The following HECW1 variants were observed in gnomAD, a reference collection of about 807,000 sequenced individuals.
HECW1 encodes the protein E3 ubiquitin-protein ligase HECW1.
A neutral mutation model predicts 182.3 loss-of-function variants in HECW1; 61 were observed. That is an observed-to-expected ratio of 0.33 (90% CI 0.27 to 0.41). HECW1 has a LOEUF of 0.41. Ranked by LOEUF, HECW1 falls within the 10% of genes least tolerant of loss-of-function variation. The probability of loss-of-function intolerance (pLI) is 1.00; values close to 1 mark genes in which losing one functional copy is unlikely to be tolerated. For synonymous variants in HECW1, 859 were observed against 832.6 expected (o/e 1.03, Z -0.55); for missense variants, 1,739 against 2,108.9 (o/e 0.82, Z 3.44).
chr7:43,506,800 T>G (rs1317884763), intron 21 of HECW1, among the ~76,000 whole-genome samples: 2 of 151,890 alleles, frequency 1.3e-5, no homozygotes, highest in Non-Finnish European at 2.9e-5. Flanking sequence ...GGTGTGGTAG[T>G]GCATGCCTGT....
intron 2 of HECW1, among the ~76,000 whole-genome samples, chr7:43,189,565 T>C (rs1052756283): frequency 6.6e-6 from 1 of 152,078 alleles, no homozygotes; most frequent in Non-Finnish European, 1.5e-5. Context: ...CTCATAAAGA[T>C]AATGTGAATA....
intron 5 of HECW1, among the ~76,000 whole-genome samples, chr7:43,335,122 TAAAC>T (rs1251465819): frequency 6.6e-6 from 1 of 152,162 alleles, no homozygotes; most frequent in Non-Finnish European, 1.5e-5. Flanking sequence ...CAATTCTTTT[TAAAC>T]AGTCAATAAT....
chr7:43,240,306 C>A (rs1373432978), intron 2 of HECW1, among the ~76,000 whole-genome samples: 2 of 152,064 alleles, frequency 1.3e-5, no homozygotes, highest in African/African-American at 2.4e-5. Context: ...CCACTACACT[C>A]CAGCCTAGGC....
intron 2 of HECW1, among the ~76,000 whole-genome samples, chr7:43,178,795 G>A (rs146113861): frequency 3.9e-5 from 6 of 152,312 alleles, no homozygotes; most frequent in South Asian, 2.1e-4. Context: ...CCGCTGTGGC[G>A]TTCCTCAACT....
intron 3 of HECW1, among the ~76,000 whole-genome samples, chr7:43,253,112 G>A (rs1800206205): frequency 6.7e-6 from 1 of 150,288 alleles, no homozygotes; most frequent in Non-Finnish European, 1.5e-5. Context: ...GCTGGTCAAG[G>A]CTCAAACATC....
intron 2 of HECW1, among the ~76,000 whole-genome samples, chr7:43,242,454 A>G (rs1355421693): frequency 1.3e-5 from 2 of 152,212 alleles, no homozygotes; most frequent in Non-Finnish European, 2.9e-5. Flanking sequence ...AGTTCCTGAC[A>G]GGGAGCTCTA....
At chr7:43,422,368 GTTTT>G (rs56093938) in intron 8 of HECW1, among the ~76,000 whole-genome samples, 1 of 126,624 alleles carries the variant, frequency 7.9e-6, no homozygotes. Context: ...GGTTGTTGTT[GTTTT>G]TTTTTTTTTT....
intron 16 of HECW1, among the ~76,000 whole-genome samples, chr7:43,469,805 A>T (rs1178579561): frequency 6.6e-6 from 1 of 152,212 alleles, no homozygotes; most frequent in Non-Finnish European, 1.5e-5. Flanking sequence ...ACTTTACCAG[A>T]GAGAATCCCT....
chr7:43,396,815 T>C lies in HECW1; in HGVS notation c.557T>C (p.Ile186Thr). 2 of 1,610,714 alleles carry C rather than the reference T, an allele frequency of 1.2e-6. No homozygotes were observed. The highest frequency in any genetic ancestry group is 1.7e-6 in the Non-Finnish European group (2 of 1,178,126). ...CTCCCATTTTCCTTCTTTTTACAGA[T>C]TTTTAAAAGCATTGGTGCTGATGAG... is the stretch of plus-strand genomic sequence containing the variant. The part of the protein sequence containing the change: ...SVTVKNSAAP[I>T]FKSIGADETV... The change falls in exon 7 of 30, where the codon ATT becomes ACT. Residue 186 changes from isoleucine (I) to threonine (T), a missense_variant and splice_region_variant. Around this residue, in one of 5 missense-constraint regions of HECW1, gnomAD observed 279 missense variants for 353.1 expected, o/e 0.79. Transcript: ENST00000395891.
chr7:43,552,413 G>T, intron 28 of HECW1, 77 bp downstream of exon 28: 2 of 955,050 alleles, frequency 2.1e-6, no homozygotes, highest in Non-Finnish European at 3.4e-6. Flanking sequence ...TTTTGTTGAG[G>T]TGAAATTGAT....
At chr7:43,270,848 A>AGGGG (rs1360913813) in intron 3 of HECW1, among the ~76,000 whole-genome samples, 1 of 152,220 alleles carries the variant, frequency 6.6e-6, no homozygotes, top group African/African-American at 2.4e-5. Context: ...TCAAATTGGA[A>AGGGG]AATATGAAAG....
chr7:43,450,738 C>A, intron 11 of HECW1, 90 bp from the exon 12 acceptor site: 1 of 810,702 alleles, frequency 1.2e-6, no homozygotes, highest in Non-Finnish European at 2.1e-6. Context: ...GGGGTTGTTT[C>A]TTGTAGTGCT....
At chr7:43,185,141 G>A (rs1793265535) in intron 2 of HECW1, among the ~76,000 whole-genome samples, 1 of 151,966 alleles carries the variant, frequency 6.6e-6, no homozygotes, top group South Asian at 2.1e-4. Context: ...AAACCCAAAA[G>A]GACAGGGATG....
chr7:43,353,165 A>G (rs967208047), intron 5 of HECW1, among the ~76,000 whole-genome samples: 12 of 152,028 alleles, frequency 7.9e-5, no homozygotes, highest in Non-Finnish European at 1.8e-4. Flanking sequence ...AAATATATAT[A>G]TATTATTGAT....
At chr7:43,514,425 A>C (rs1340876536) in intron 24 of HECW1, among the ~76,000 whole-genome samples, 1 of 151,254 alleles carries the variant, frequency 6.6e-6, no homozygotes, top group Non-Finnish European at 1.5e-5. Context: ...AGTAGCTGGG[A>C]TTACAGGCAC....
chr7:43,417,178 G>A (rs1394951906), intron 8 of HECW1, among the ~76,000 whole-genome samples: 1 of 152,152 alleles, frequency 6.6e-6, no homozygotes, highest in African/African-American at 2.4e-5. Context: ...AACCTCCCGA[G>A]TAGCTGGGAT....
intron 8 of HECW1, among the ~76,000 whole-genome samples, chr7:43,422,925 G>A (rs2076237237): frequency 7.9e-6 from 1 of 126,418 alleles, no homozygotes; most frequent in Non-Finnish European, 1.6e-5. Flanking sequence ...CGCAGTGCCT[G>A]GCCGAGAGTC....
chr7:43,329,843 C>A (rs1811243189), intron 5 of HECW1, among the ~76,000 whole-genome samples: 1 of 152,060 alleles, frequency 6.6e-6, no homozygotes, highest in South Asian at 2.1e-4. Context: ...CAAAGTGTAG[C>A]CTGCTGAAAA....
intron 4 of HECW1, among the ~76,000 whole-genome samples, chr7:43,317,740 A>C (rs1809511335): frequency 6.6e-6 from 1 of 152,248 alleles, no homozygotes; most frequent in South Asian, 2.1e-4. Context: ...GCTTATCAGG[A>C]CTAACAGCCA....
Sources: gnomAD v4.1 joint callset for allele counts (sites outside exome capture counted in the v4.1 genomes callset) on GRCh38, gnomAD v4.1.1 for gene constraint, gnomAD v4.1.1 regional missense constraint, MANE v1.5 for transcripts, NCBI Gene and HGNC (gene_info 2026-07-23, HGNC 2026-07-21) for gene names.